The following KCNJ15 variants were observed in gnomAD, a reference collection of about 807,000 sequenced individuals.
The protein encoded by KCNJ15 is ATP-sensitive inward rectifier potassium channel 15.
KCNJ15 carries 14 observed loss-of-function variants against 23.0 expected under a neutral mutation model. That is an observed-to-expected ratio of 0.61 (90% CI 0.40 to 0.95). The LOEUF is 0.95. Ranked by LOEUF, KCNJ15 falls within the 40% of genes least tolerant of loss-of-function variation. The probability of loss-of-function intolerance (pLI) is 0.00; values close to 1 mark genes in which losing one functional copy is unlikely to be tolerated. For missense variants in KCNJ15, 388 were observed against 461.8 expected (o/e 0.84, Z 1.46); for synonymous variants, 185 against 183.2 (o/e 1.01, Z -0.08).
intron 1 of KCNJ15, among the ~76,000 whole-genome samples, chr21:38,269,200 T>C (rs537133201): frequency 1.3e-5 from 2 of 152,370 alleles, no homozygotes; most frequent in African/African-American, 2.4e-5. Context: ...TCTAAGGACC[T>C]GATTCCCTTT....
intron 1 of KCNJ15, among the ~76,000 whole-genome samples, chr21:38,287,946 G>A (rs903476692): frequency 6.6e-6 from 1 of 150,646 alleles, no homozygotes; most frequent in African/African-American, 2.4e-5. Context: ...AGAGAAATGT[G>A]GTCAAAATGT....
rs55954989 is a variant in KCNJ15 at position 38,248,143 on chromosome 21, G to T, written c.-398-8903G>T. Among the ~76,000 whole-genome samples, 810 of 152,278 alleles carry T rather than the reference G, an allele frequency of 5.3e-3. 8 individuals carry two copies. The highest frequency in any genetic ancestry group is 0.019 in the African/African-American group (772 of 41,550). On this transcript the variant is annotated intron_variant, in intron 1 of 4. Coordinates refer to the KCNJ15 transcript ENST00000547341. ...CATATCTTTGCGCCTTCACACAGCA[G>T]CACAGAAATTATATCTGGTACTTGA...
At chr21:38,277,380 C>T (rs967945509) in intron 1 of KCNJ15, among the ~76,000 whole-genome samples, 2 of 152,086 alleles carry the variant, frequency 1.3e-5, no homozygotes, top group East Asian at 3.9e-4. Flanking sequence ...AATTTCCAGG[C>T]TAATTTTGTG....
chr21:38,292,633 G>A (rs902715804), intron 1 of KCNJ15, among the ~76,000 whole-genome samples: 1 of 152,066 alleles, frequency 6.6e-6, no homozygotes, highest in African/African-American at 2.4e-5. Flanking sequence ...TTTGTATTCA[G>A]TGTTGAGTCA....
rs1365680491 is a variant in KCNJ15, at chr21:38,299,420, C to A, written c.159C>A (p.Asp53Glu). 6.2e-7 allele frequency: 1 copy of A among 1,614,072 alleles called. No homozygotes were observed. Among genetic ancestry groups the A allele is most frequent in the African/African-American group, 1.3e-5 (1 of 74,930 alleles). The change falls in exon 3 of 3, where the codon GAC (aspartate) becomes GAA (glutamate). Residue 53 changes from aspartate (D) to glutamate (E), a missense_variant. Coordinates refer to ENST00000398938, the MANE Select transcript of KCNJ15 (RefSeq NM_170736.3). The surrounding 1 kb of genome is among the most constrained non-coding windows in gnomAD (Gnocchi z 4.5). ...VDGIYLLYLQ[D>E]LWTTVIDMKW... Reference sequence around the variant, plus strand: ...GCATATACCTACTCTACCTGCAAGACCTGTGGACCACAGTTATCGACATGA... The same window carrying A: ...GCATATACCTACTCTACCTGCAAGAACTGTGGACCACAGTTATCGACATGA...
intron 1 of KCNJ15, among the ~76,000 whole-genome samples, chr21:38,273,887 G>T (rs1454139356): frequency 6.6e-6 from 1 of 152,208 alleles, no homozygotes; most frequent in African/African-American, 2.4e-5. Context: ...CTAATTGATA[G>T]CTAGCAATAC....
intron 1 of KCNJ15, among the ~76,000 whole-genome samples, chr21:38,239,861 A>G (rs988176806): frequency 1.4e-4 from 22 of 152,214 alleles, no homozygotes; most frequent in African/African-American, 4.8e-4. Flanking sequence ...CATTTTTGCC[A>G]TGAATTTATC....
chr21:38,282,374 A>G (rs1983441211), intron 1 of KCNJ15, among the ~76,000 whole-genome samples: 1 of 152,160 alleles, frequency 6.6e-6, no homozygotes, highest in African/African-American at 2.4e-5. Flanking sequence ...ACACAGAGGA[A>G]GTAATTTGTT....
chr21:38,261,734 C>A (rs758103495), intron 1 of KCNJ15, among the ~76,000 whole-genome samples: 1 of 152,058 alleles, frequency 6.6e-6, no homozygotes, highest in Non-Finnish European at 1.5e-5. Flanking sequence ...ATTAACTGTG[C>A]GCTTTTTCCA....
chr21:38,290,995 A>AACACACACACACACACAC (rs57018976), intron 1 of KCNJ15, among the ~76,000 whole-genome samples: 2,277 of 127,188 alleles, frequency 0.018, 69 homozygotes, highest in African/African-American at 0.061. Flanking sequence ...AAAAAGGCTA[A>AACACACACACACACACAC]ACACACACAC....
At chr21:38,265,181 G>C (rs1379258722) in intron 1 of KCNJ15, among the ~76,000 whole-genome samples, 1 of 152,136 alleles carries the variant, frequency 6.6e-6, no homozygotes, top group East Asian at 1.9e-4. Flanking sequence ...CTCTGAATGT[G>C]TTTTAAATTT....
chr21:38,299,170 T>A lies in KCNJ15; in HGVS notation c.-18-74T>A. 1 of 1,139,618 alleles carries A rather than the reference T, an allele frequency of 8.8e-7. No homozygotes were observed. The highest frequency in any genetic ancestry group is 1.3e-6 in the Non-Finnish European group (1 of 787,042). 70.6% of individuals were successfully genotyped at this position (1,139,618 alleles called of 1,614,324 possible). On this transcript the variant is annotated intron_variant, in intron 2 of 2. Transcript: ENST00000398938. This position sits in a 1 kb window ranked among gnomAD's most constrained non-coding sequence, Gnocchi z 4.5. ...ACTTCCATGTACATTCATACTTACT[T>A]CACATGATGATTCTATTTTCTGGAA...
At chr21:38,245,038 T>G (rs969889507) in intron 1 of KCNJ15, among the ~76,000 whole-genome samples, 1 of 152,042 alleles carries the variant, frequency 6.6e-6, no homozygotes, top group East Asian at 1.9e-4. Context: ...GACTCATTCA[T>G]GATGTGCAGG....
chr21:38,247,145 G>C (rs563273281), intron 1 of KCNJ15, among the ~76,000 whole-genome samples: 4 of 138,036 alleles, frequency 2.9e-5, no homozygotes, highest in African/African-American at 5.6e-5. Context: ...TGGATGGATG[G>C]ATGGATGCAT....
At chr21:38,235,039 G>A (rs191693440) in intron 1 of KCNJ15, among the ~76,000 whole-genome samples, 1 of 152,088 alleles carries the variant, frequency 6.6e-6, no homozygotes, top group East Asian at 1.9e-4. Flanking sequence ...CTAAAATCAA[G>A]AAATACTGGG....
At chr21:38,290,422 C>T (rs1984477709) in intron 1 of KCNJ15, among the ~76,000 whole-genome samples, 2 of 152,114 alleles carry the variant, frequency 1.3e-5, no homozygotes, top group Non-Finnish European at 2.9e-5. Context: ...AAAAAAGCTA[C>T]ATATCTGACC....
intron 1 of KCNJ15, among the ~76,000 whole-genome samples, chr21:38,241,210 C>T (rs1439413812): frequency 6.6e-6 from 1 of 152,280 alleles, no homozygotes; most frequent in Admixed American, 6.5e-5. Flanking sequence ...CTGTGTCACA[C>T]AGGGTGGGTG....
chr21:38,230,364 TA>T (rs1397154428), intron 1 of KCNJ15, among the ~76,000 whole-genome samples: 1 of 152,178 alleles, frequency 6.6e-6, no homozygotes, highest in Admixed American at 6.5e-5. Context: ...TATTGTTTTT[TA>T]AACTCAGCTA....
chr21:38,279,916 C>G (rs1021419137), intron 1 of KCNJ15, among the ~76,000 whole-genome samples: 3 of 152,196 alleles, frequency 2.0e-5, no homozygotes, highest in Non-Finnish European at 4.4e-5. Flanking sequence ...GTCCCACTCT[C>G]AATTTTACTT....
Sources: gnomAD v4.1 joint callset for allele counts (sites outside exome capture counted in the v4.1 genomes callset) on GRCh38, gnomAD v4.1.1 for gene constraint, Gnocchi (gnomAD v3.1) non-coding constraint, MANE v1.5 for transcripts, NCBI Gene and HGNC (gene_info 2026-07-23, HGNC 2026-07-21) for gene names.